Variants in ZBTB24 observed in about 807,000 individuals in gnomAD.
The protein encoded by ZBTB24 is zinc finger and BTB domain-containing protein 24.
Under a neutral mutation model 53.8 loss-of-function variants are expected in ZBTB24, and 32 were observed. The observed-to-expected ratio is 0.60, with a 90% CI of 0.45 to 0.80. The LOEUF is 0.80. Ranked by LOEUF, ZBTB24 falls within the 30% of genes least tolerant of loss-of-function variation. The pLI, the probability that ZBTB24 is intolerant of heterozygous loss-of-function variation, is 0.00. For synonymous variants in ZBTB24, 297 were observed against 306.7 expected (o/e 0.97, Z 0.33); for missense variants, 722 against 837.1 (o/e 0.86, Z 1.70).
rs1775937570 is a variant in ZBTB24 at position 109,463,177 on chromosome 6, G to A, written c.*2674C>T. 1 of 152,196 alleles carries A rather than the reference G, an allele frequency of 6.6e-6. No homozygotes were observed. Among genetic ancestry groups the A allele is most frequent in the East Asian group, 1.9e-4 (1 of 5,192 alleles). The allele number at this position is 152,196 out of a possible 1,614,324, so 9.4% of individuals were successfully genotyped here. A position where few individuals can be genotyped will look rare whatever the true frequency, so the allele number is the denominator to read the frequency against. On this transcript the variant is annotated 3_prime_UTR_variant, in exon 7 of 7. Coordinates refer to ENST00000230122, the MANE Select transcript of ZBTB24 (RefSeq NM_014797.3). ...AATTTTTGTATTTTTAGTAGAGATG[G>A]GGTTTCACTATGTTGGTCAGGCTGC...
chr6:109,476,091 A>G, intron 4 of ZBTB24, 84 bp downstream of exon 4: 1 of 1,484,604 alleles, frequency 6.7e-7, no homozygotes. Flanking sequence ...TGCTAAGAGC[A>G]GAACAATATA....
rs1301948535 is a variant in ZBTB24 at position 109,481,257 on chromosome 6, C to T, written c.770G>A (p.Arg257Lys). The change falls in exon 2 of 7, where the codon AGG (arginine) becomes AAG (lysine). Residue 257 changes from arginine to lysine, a missense_variant. Physicochemically the swap from Arg to Lys is conservative, Grantham distance 26 (BLOSUM62 2). Transcript: ENST00000230122. ...TTTAAGTTTGACGGATCTCCAAATC[C>T]TCCGCTTGCTGTATCGACTCTGGCT... ...QASQSRYSKR[R>K]IWRSVKLKDY... 37 of 1,614,218 alleles carry T rather than the reference C, an allele frequency of 2.3e-5. No individual in the cohort carries two copies. Among genetic ancestry groups the T allele is most frequent in the Non-Finnish European group, 3.1e-5 (37 of 1,180,038 alleles).
Position 109,475,475 on chromosome 6 carries a change from TGAGTGGCCTTGTC to T in ZBTB24, c.1205-6_1211del. ...GATGGCAGTCTTTGCATTCCGGTAA[TGAGTGGCCTTGTC>T]GCAACAATAAAAAAAGTGTCAGTGC... On this transcript the variant is annotated splice_acceptor_variant and splice_polypyrimidine_tract_variant and coding_sequence_variant and intron_variant, in exon 5 of 7. Coordinates refer to ENST00000230122, the MANE Select transcript of ZBTB24 (RefSeq NM_014797.3). LOFTEE classifies it high-confidence loss of function. 6.2e-7 allele frequency: 1 copy of T among 1,614,208 alleles called. No homozygotes were observed. Among genetic ancestry groups the T allele is most frequent in the South Asian group, 1.1e-5 (1 of 91,078 alleles).
rs1776028335 is a variant in ZBTB24, at chr6:109,465,974, C to G, written c.1971G>C (p.Glu657Asp). The change falls in exon 7 of 7, where the codon GAG becomes GAC. Residue 657 changes from glutamate to aspartate, a missense_variant. Glu to Asp is a conservative substitution (Grantham distance 45). Transcript: ENST00000230122. Reference protein sequence around the residue: ...HLHAHQEQTEELHLATSTSDP... With the variant: ...HLHAHQEQTEDLHLATSTSDP... ...CTGAAGTACTTGTAGCTAAATGGAG[C>G]TCCTCTGTTTGCTCTTGATGGGCAT... 1 of 1,614,194 alleles carries G rather than the reference C, an allele frequency of 6.2e-7. No homozygotes were observed. Among genetic ancestry groups the G allele is most frequent in the Middle Eastern group, 1.7e-4 (1 of 6,060 alleles).
Position 109,476,041 on chromosome 6 carries a change from T to G in ZBTB24, c.1204+134A>C, listed in dbSNP as rs370239169. On this transcript the variant is annotated intron_variant, in intron 4 of 6. Transcript: ENST00000230122. ...ACATAAAAACATGTAATTTAGACTC[T>G]TAAGGCACTTTTCCCTAAATACCCT... 3,492 of 907,534 alleles carry G rather than the reference T, an allele frequency of 3.8e-3. 35 individuals are homozygous for G. Among genetic ancestry groups the G allele is most frequent in the South Asian group, 0.028 (1,735 of 61,264 alleles). The allele number at this position is 907,534 out of a possible 1,614,324, so 56.2% of individuals were successfully genotyped here.
chr6:109,477,189 G>A (rs1235942481), intron 2 of ZBTB24, among the ~76,000 whole-genome samples: 1 of 152,208 alleles, frequency 6.6e-6, no homozygotes, highest in African/African-American at 2.4e-5. Context: ...AGGCTGGAGT[G>A]CAGTGGCGCT....
At chr6:109,466,709 A>G (rs1776051830) in intron 6 of ZBTB24, 135 bp from the exon 7 acceptor site, 8 of 1,232,898 alleles carry the variant, frequency 6.5e-6, no homozygotes, top group Non-Finnish European at 8.9e-6. Context: ...TCACCTACTA[A>G]TTCAAGGACT....
intron 3 of ZBTB24, 39 bp from the exon 4 acceptor site, chr6:109,476,297 T>G (rs931912218): frequency 1.2e-6 from 2 of 1,607,436 alleles, no homozygotes; most frequent in Non-Finnish European, 1.7e-6. Context: ...TGTAAAAAAT[T>G]ATAAAGAACT....
At chr6:109,473,147 G>A (rs1354993636) in intron 5 of ZBTB24, among the ~76,000 whole-genome samples, 1 of 152,126 alleles carries the variant, frequency 6.6e-6, no homozygotes, top group African/African-American at 2.4e-5. Flanking sequence ...CTGTTGAGGG[G>A]TACTTTAAAA....
At chr6:109,480,770 T>C (rs1388803565) in intron 2 of ZBTB24, among the ~76,000 whole-genome samples, 1 of 152,216 alleles carries the variant, frequency 6.6e-6, no homozygotes, top group East Asian at 1.9e-4. Flanking sequence ...CAATCCCAGC[T>C]CTGTCACTAA....
intron 4 of ZBTB24, 28 bp from the exon 5 acceptor site, chr6:109,475,510 G>C: frequency 6.2e-7 from 1 of 1,611,040 alleles, no homozygotes; most frequent in Non-Finnish European, 8.5e-7. Flanking sequence ...AAAAGTGTCA[G>C]TGCATACATG....
rs972382184 is a variant in ZBTB24, at chr6:109,464,307, A to C, written c.*1544T>G. The C allele has an allele frequency of 1.3e-5, 2 of 152,172 alleles. No individual in the cohort carries two copies. The highest frequency in any genetic ancestry group is 4.8e-5 in the African/African-American group (2 of 41,450). The allele number at this position is 152,172 out of a possible 1,614,324, so 9.4% of individuals were successfully genotyped here. On this transcript the variant is annotated 3_prime_UTR_variant, in exon 7 of 7. Coordinates refer to ENST00000230122, the MANE Select transcript of ZBTB24 (RefSeq NM_014797.3). ...ACCAAAATGTTTTTATCTTCTCTCA[A>C]ACCTGAAGAATTCTCTATTACTCTA...
intron 5 of ZBTB24, among the ~76,000 whole-genome samples, chr6:109,472,656 C>T (rs746447655): frequency 6.6e-6 from 1 of 152,158 alleles, no homozygotes; most frequent in African/African-American, 2.4e-5. Flanking sequence ...CTGTGGAAAT[C>T]CAGAGCTCTG....
intron 5 of ZBTB24, among the ~76,000 whole-genome samples, chr6:109,469,543 G>C (rs1776123679): frequency 6.6e-6 from 1 of 152,136 alleles, no homozygotes; most frequent in Non-Finnish European, 1.5e-5. Context: ...CCGCTTAGTG[G>C]TTTCTGATCT....
intron 1 of ZBTB24, 112 bp from the exon 2 acceptor site, chr6:109,482,166 C>A: frequency 1.2e-6 from 1 of 849,804 alleles, no homozygotes; most frequent in Non-Finnish European, 1.9e-6. Context: ...TTACCATTAC[C>A]ATTTTTGTCT....
rs766496267 is a variant in ZBTB24 at position 109,465,949 on chromosome 6, C to T, written c.1996G>A (p.Asp666Asn). ...GTCAGCTGCAGGTGCTGAGCTGGATCTGAAGTACTTGTAGCTAAATGGAGC... is the reference window on the plus strand; with the variant it reads ...GTCAGCTGCAGGTGCTGAGCTGGATTTGAAGTACTTGTAGCTAAATGGAGC... ...EELHLATSTS[D>N]PAQHLQLTQE... is the part of the protein sequence containing the mutation. The change falls in exon 7 of 7, where the codon GAT becomes AAT. Residue 666 changes from aspartate (D) to asparagine (N), a missense_variant. Asp to Asn is a conservative substitution (Grantham distance 23). Coordinates refer to ENST00000230122, the MANE Select transcript of ZBTB24 (RefSeq NM_014797.3). 1.5e-5 allele frequency: 25 copies of T among 1,614,094 alleles called. No homozygotes were observed. Among genetic ancestry groups the T allele is most frequent in the Non-Finnish European group, 2.1e-5 (25 of 1,180,052 alleles).
In ZBTB24 at chr6:109,475,043, T is replaced by TAAAA. The variant is rs5879027; in HGVS notation, c.1288+352_1288+355dup. Among the ~76,000 whole-genome samples the TAAAA allele has an allele frequency of 1.5e-3, 177 of 116,394 alleles. 1 individual carries two copies. Among genetic ancestry groups the TAAAA allele is most frequent in the African/African-American group, 5.7e-3 (172 of 30,358 alleles). The allele number at this position is 116,394 out of a possible 152,430, so 76.4% of individuals were successfully genotyped here. A position where few individuals can be genotyped will look rare whatever the true frequency, so the allele number is the denominator to read the frequency against. ...GGATGACAGCACAAGCCCTTATCTTTAAAAAAAAAAAAAAAAAAAAGTCTT... is the reference window on the plus strand; with the variant it reads ...GGATGACAGCACAAGCCCTTATCTTTAAAAAAAAAAAAAAAAAAAAAAAAGTCTT... On this transcript the variant is annotated intron_variant, in intron 5 of 6. Coordinates refer to ENST00000230122, the MANE Select transcript of ZBTB24 (RefSeq NM_014797.3).
chr6:109,477,653 A>G (rs1369233160), intron 2 of ZBTB24, among the ~76,000 whole-genome samples: 1 of 152,206 alleles, frequency 6.6e-6, no homozygotes, highest in African/African-American at 2.4e-5. Flanking sequence ...GAGGAGGGTT[A>G]AGAAAAAGGG....
At position 109,481,765 on chromosome 6, in the gene ZBTB24, C is replaced by T. The variant is rs1776422234; in HGVS notation, c.262G>A (p.Gly88Ser). The T allele has an allele frequency of 1.2e-6, 2 of 1,614,162 alleles. No individual in the cohort carries two copies. The highest frequency in any genetic ancestry group is 4.5e-5 in the East Asian group (2 of 44,876). ...GTGTAGATAAATTCCAGCAGGATAC[C>T]AAAGGTGTCTGCAACCATGCCTTCC... ...MLEGMVADTF[G>S]ILLEFIYTGY... The change falls in exon 2 of 7, where the codon GGT becomes AGT. Residue 88 changes from glycine to serine, a missense_variant. Physicochemically the swap from Gly to Ser is moderately conservative, Grantham distance 56. Transcript: ENST00000230122.
Sources: allele counts gnomAD v4.1 joint callset (sites outside exome capture counted in the v4.1 genomes callset), GRCh38; gene constraint gnomAD v4.1.1; transcripts MANE v1.5; gene names NCBI Gene and HGNC (gene_info 2026-07-23, HGNC 2026-07-21).